The following KCNQ1 variants were observed in gnomAD, a reference collection of about 807,000 sequenced individuals.
KCNQ1 encodes the protein potassium voltage-gated channel subfamily KQT member 1.
Under a neutral mutation model 72.4 loss-of-function variants are expected in KCNQ1, and 49 were observed. The observed-to-expected ratio is 0.68, with a 90% CI of 0.54 to 0.86. KCNQ1 has a LOEUF of 0.86. KCNQ1 is among the 40% of genes least tolerant of loss of function. The pLI is 0.00. For missense variants in KCNQ1, 790 were observed against 945.1 expected, an observed-to-expected ratio of 0.84 and a Z score of 2.15; for synonymous variants, 450 against 412.6, an observed-to-expected ratio of 1.09 and a Z score of -1.10.
chr11:2,445,842 C>T (rs1398544659), intron 1 of KCNQ1, among the ~76,000 whole-genome samples: 1 of 152,096 alleles, frequency 6.6e-6, no homozygotes, highest in African/African-American at 2.4e-5. Flanking sequence ...TAAGATAACT[C>T]CTCAAGGTCG....
At chr11:2,448,611 G>T (rs539364180) in intron 1 of KCNQ1, among the ~76,000 whole-genome samples, 1 of 152,246 alleles carries the variant, frequency 6.6e-6, no homozygotes, top group Non-Finnish European at 1.5e-5. Flanking sequence ...CAAGGCAGGT[G>T]GTGGGGCTGG....
chr11:2,609,199 C>A (rs1848934096), intron 10 of KCNQ1: 4 of 398,164 alleles, frequency 1.0e-5, no homozygotes, highest in Non-Finnish European at 1.3e-5. Flanking sequence ...TTAAATGTAT[C>A]CCATAAGTTC....
chr11:2,568,033 C>A (rs1309514938), intron 2 of KCNQ1, among the ~76,000 whole-genome samples: 1 of 152,134 alleles, frequency 6.6e-6, no homozygotes, highest in Non-Finnish European at 1.5e-5. Context: ...CTTTGGGAGG[C>A]CGAAGCAGGC....
intron 2 of KCNQ1, among the ~76,000 whole-genome samples, chr11:2,534,792 G>T (rs1328538135): frequency 6.6e-6 from 1 of 152,248 alleles, no homozygotes; most frequent in African/African-American, 2.4e-5. Context: ...TCCCTGGCAG[G>T]GTTGTTTCCG....
rs1211400186 is a variant in KCNQ1, at chr11:2,626,236, G to C, written c.1394-35725G>C. The C allele has an allele frequency of 3.0e-5, 12 of 398,374 alleles. No individual in the cohort carries two copies. Among genetic ancestry groups the C allele is most frequent in the Non-Finnish European group, 5.3e-5 (12 of 226,052 alleles). 24.7% of individuals were successfully genotyped at this position (398,374 alleles called of 1,614,324 possible). On this transcript the variant is annotated intron_variant, in intron 10 of 15. Transcript: ENST00000155840. The surrounding 1 kb of genome is among the most constrained non-coding windows in gnomAD (Gnocchi z 4.0). ...AGTAAGTTTTTGTACACAGTGTTAG[G>C]TAAGGGTCTCAACTTCATTCTCTTT...
In KCNQ1 at chr11:2,602,898, G is replaced by A. The variant is rs989396743; in HGVS notation, c.1393+14044G>A. Among the ~76,000 whole-genome samples the A allele has an allele frequency of 9.2e-5, 14 of 152,140 alleles. No individual in the cohort carries two copies. The highest frequency in any genetic ancestry group is 9.2e-4 in the Admixed American group (14 of 15,282). On this transcript the variant is annotated intron_variant, in intron 10 of 15. Transcript: ENST00000155840. The surrounding 1 kb of genome is among the most constrained non-coding windows in gnomAD (Gnocchi z 4.8). The stretch of plus-strand genomic sequence containing the variant: ...CATCATCTCAACAGGGTACTTTACA[G>A]AGCAAACATTTTAAATTTTGATGAG...
chr11:2,487,461 G>T (rs958582505), intron 1 of KCNQ1, among the ~76,000 whole-genome samples: 2 of 152,126 alleles, frequency 1.3e-5, no homozygotes, highest in African/African-American at 2.4e-5. Flanking sequence ...AAATCACTTT[G>T]GGTAGTATTG....
intron 11 of KCNQ1, chr11:2,694,985 G>A (rs192525287): frequency 2.3e-5 from 9 of 398,702 alleles, no homozygotes; most frequent in African/African-American, 1.2e-4. Context: ...GAAGAAGGCT[G>A]GCAGAGCCAA....
At chr11:2,614,435 G>C (rs1849028188) in intron 10 of KCNQ1, 4 of 398,198 alleles carry the variant, frequency 1.0e-5, no homozygotes, top group Non-Finnish European at 1.8e-5. Flanking sequence ...TGTTTTTTGT[G>C]TCTTTTCTAA....
chr11:2,599,216 C>T lies in KCNQ1; in HGVS notation c.1393+10362C>T, dbSNP rs140897693. On this transcript the variant is annotated intron_variant, in intron 10 of 15. Transcript: ENST00000155840. This position sits in a 1 kb window ranked among gnomAD's most constrained non-coding sequence, Gnocchi z 4.7. ...ATTCAATGAAATAAAATACATGTGA[C>T]ATAATGAAGGCATTATCATTGTTTT... 2.6e-5 allele frequency among the ~76,000 whole-genome samples: 4 copies of T among 152,286 alleles called. No homozygotes were observed. The East Asian group carries it at 7.7e-4, about 29-fold the overall frequency.
chr11:2,456,911 C>T (rs1846200961), intron 1 of KCNQ1, among the ~76,000 whole-genome samples: 1 of 142,946 alleles, frequency 7.0e-6, no homozygotes, highest in Admixed American at 7.1e-5. Context: ...TGCACTCCAG[C>T]CTGGGTGACA....
rs1365955034 is a variant in KCNQ1, at chr11:2,601,802, T to C, written c.1393+12948T>C. On this transcript the variant is annotated intron_variant, in intron 10 of 15. Transcript: ENST00000155840. The surrounding 1 kb of genome is among the most constrained non-coding windows in gnomAD (Gnocchi z 5.2). ...CACGGTATGGACATATACCCCAGTT[T>C]ATTTAACCATTCCCTCATCCAAGGA... Among the ~76,000 whole-genome samples the C allele has an allele frequency of 6.6e-6, 1 of 152,242 alleles. No homozygotes were observed. The highest frequency in any genetic ancestry group is 1.9e-4 in the East Asian group (1 of 5,204).
In KCNQ1 at chr11:2,601,554, C is replaced by A. The variant is rs140961797; in HGVS notation, c.1393+12700C>A. Among the ~76,000 whole-genome samples, 2 of 152,278 alleles carry A rather than the reference C, an allele frequency of 1.3e-5. No homozygotes were observed. The highest frequency in any genetic ancestry group is 1.9e-4 in the East Asian group (1 of 5,186). On this transcript the variant is annotated intron_variant, in intron 10 of 15. Coordinates refer to ENST00000155840, the MANE Select transcript of KCNQ1 (RefSeq NM_000218.3). This position sits in a 1 kb window ranked among gnomAD's most constrained non-coding sequence, Gnocchi z 5.2. ...CGCCACGGGGTTCCCATTATTTGTC[C>A]TTTTACACGGACTTTCTCCCATCCC... is the stretch of plus-strand genomic sequence containing the variant.
At chr11:2,523,106 G>A (rs1395465005) in intron 1 of KCNQ1, among the ~76,000 whole-genome samples, 1 of 152,198 alleles carries the variant, frequency 6.6e-6, no homozygotes, top group Non-Finnish European at 1.5e-5. Context: ...CAGTCACCAA[G>A]TTTTCAAGCC....
chr11:2,662,598 C>G, intron 11 of KCNQ1: 1 of 416,922 alleles, frequency 2.4e-6, no homozygotes, highest in East Asian at 3.4e-5. Context: ...CGTCCTCCCC[C>G]GCCGTCACGG....
rs981560557 is a variant in KCNQ1 at position 2,564,024 on chromosome 11, C to A, written c.478-6604C>A. ...ACAGAATCCTTTTGGAGACCTGACC[C>A]GCGGGAGCCCAGGTGAGCAACCGCC... is the stretch of plus-strand genomic sequence containing the variant. On this transcript the variant is annotated intron_variant, in intron 2 of 15. Transcript: ENST00000155840. This position sits in a 1 kb window ranked among gnomAD's most constrained non-coding sequence, Gnocchi z 4.5. Among the ~76,000 whole-genome samples, 1 of 152,134 alleles carries A rather than the reference C, an allele frequency of 6.6e-6. No individual in the cohort carries two copies. Among genetic ancestry groups the A allele is most frequent in the African/African-American group, 2.4e-5 (1 of 41,426 alleles).
intron 1 of KCNQ1, among the ~76,000 whole-genome samples, chr11:2,465,614 C>T (rs1197746352): frequency 6.6e-6 from 1 of 152,224 alleles, no homozygotes; most frequent in Non-Finnish European, 1.5e-5. Context: ...CTTGCTCACG[C>T]TAGGTGCCTT....
Position 2,687,879 on chromosome 11 carries a change from T to C in KCNQ1, c.1514+25798T>C, listed in dbSNP as rs1850518048. ...AGCCTCAAAGGCTGGACTTGGGGTG[T>C]CCCGCGGAAATCCTGGTGGGATGGA... On this transcript the variant is annotated intron_variant, in intron 11 of 15. Transcript: ENST00000155840. This position sits in a 1 kb window ranked among gnomAD's most constrained non-coding sequence, Gnocchi z 5.0. The C allele has an allele frequency of 5.0e-6, 2 of 398,516 alleles. No individual in the cohort carries two copies. Among genetic ancestry groups the C allele is most frequent in the Admixed American group, 8.8e-5 (2 of 22,716 alleles). The allele number at this position is 398,516 out of a possible 1,614,324, so 24.7% of individuals were successfully genotyped here.
At chr11:2,799,649 A>G (rs1847218352) in intron 15 of KCNQ1, among the ~76,000 whole-genome samples, 1 of 152,138 alleles carries the variant, frequency 6.6e-6, no homozygotes, top group Non-Finnish European at 1.5e-5. Flanking sequence ...CTCGGTGTCC[A>G]GGGAGCAGCA....
Sources: allele counts gnomAD v4.1 joint callset (sites outside exome capture counted in the v4.1 genomes callset), GRCh38; gene constraint gnomAD v4.1.1; non-coding constraint Gnocchi (gnomAD v3.1); transcripts MANE v1.5; gene names NCBI Gene and HGNC (gene_info 2026-07-23, HGNC 2026-07-21).